NMRAL1: variants seen among roughly 807,000 people sequenced by gnomAD.
NMRAL1 encodes the protein NmrA like redox sensor 1, also known as nmrA-like family domain-containing protein 1.
A neutral mutation model predicts 27.5 loss-of-function variants in NMRAL1; 32 were observed. That is an observed-to-expected ratio of 1.16 (90% confidence interval 0.88 to 1.56). NMRAL1 has a LOEUF of 1.56. Among genes scored for constraint, NMRAL1 ranks in the 40% most tolerant of loss-of-function variants. The pLI is 0.00. For missense variants in NMRAL1, 420 were observed against 392.0 expected, an observed-to-expected ratio of 1.07 and a Z score of -0.60; for synonymous variants, 166 against 166.8, an observed-to-expected ratio of 1.00 and a Z score of 0.04.
In NMRAL1 at chr16:4,463,702, G is replaced by C. The variant is rs144549240; in HGVS notation, c.678C>G (p.Ala226=). The part of the protein sequence containing the change: ...TCRHTAEEYA[A]LLTKHTRKVV... Reference sequence around the variant, plus strand: ...CCTTGCGGGTGTGCTTGGTGAGCAGGGCAGCGTACTCCTCGGCCGTGTGCC... The same window carrying C: ...CCTTGCGGGTGTGCTTGGTGAGCAGCGCAGCGTACTCCTCGGCCGTGTGCC... The change falls in exon 5 of 6, where the codon GCC becomes GCG. Residue 226 remains alanine, a synonymous_variant. Coordinates refer to ENST00000283429, the MANE Select transcript of NMRAL1 (RefSeq NM_020677.6). The C allele has an allele frequency of 6.2e-7, 1 of 1,614,014 alleles. No homozygotes were observed. Among genetic ancestry groups the C allele is most frequent in the Admixed American group, 1.7e-5 (1 of 60,018 alleles).
At chr16:4,472,610 G>A (rs1470064798) in intron 2 of NMRAL1, among the ~76,000 whole-genome samples, 1 of 151,994 alleles carries the variant, frequency 6.6e-6, no homozygotes, top group Non-Finnish European at 1.5e-5. Context: ...CAGGCATGGT[G>A]GCTCACGCCT....
At chr16:4,463,950 C>G (rs2057215359) in intron 4 of NMRAL1, 100 bp from the exon 5 acceptor site, 3 of 888,892 alleles carry the variant, frequency 3.4e-6, no homozygotes, top group Non-Finnish European at 5.3e-6. Context: ...TCCCAGCAGT[C>G]AGCTGCACAC....
At chr16:4,475,767 C>T (rs1255358839), upstream of NMRAL1, among the ~76,000 whole-genome samples, 5 of 151,926 alleles carry the variant, frequency 3.3e-5, no homozygotes, top group East Asian at 3.9e-4. Flanking sequence ...GTGAAACCCC[C>T]GTCTCTACTA....
At chr16:4,464,594 G>A (rs1219088569) in intron 4 of NMRAL1, among the ~76,000 whole-genome samples, 2 of 149,680 alleles carry the variant, frequency 1.3e-5, no homozygotes, top group Non-Finnish European at 3.0e-5. Flanking sequence ...CGGAGCAGGA[G>A]ATATCCCTGA....
chr16:4,465,723 C>T (rs1262544469), intron 4 of NMRAL1, among the ~76,000 whole-genome samples: 1 of 152,020 alleles, frequency 6.6e-6, no homozygotes, highest in African/African-American at 2.4e-5. Flanking sequence ...GGTGGCACCA[C>T]GCCCAGCTAA....
intron 5 of NMRAL1, 31 bp from the exon 6 acceptor site, chr16:4,461,990 G>A (rs200609977): frequency 1.6e-4 from 253 of 1,584,050 alleles, no homozygotes; most frequent in Non-Finnish European, 2.1e-4. Flanking sequence ...CGTGGCCGGC[G>A]TCCTCCAGTG....
At chr16:4,462,183 T>C (rs2057137666) in intron 5 of NMRAL1, among the ~76,000 whole-genome samples, 1 of 152,240 alleles carries the variant, frequency 6.6e-6, no homozygotes. Context: ...TAGATCAGTT[T>C]AAAGATTGTT....
At chr16:4,469,611 C>A in intron 2 of NMRAL1, 146 bp from the exon 3 acceptor site, 1 of 1,478,884 alleles carries the variant, frequency 6.8e-7, no homozygotes, top group Non-Finnish European at 8.9e-7. Context: ...TTTTTATTTT[C>A]TTTATTTTAT....
At chr16:4,465,655 C>T (rs185166303) in intron 4 of NMRAL1, among the ~76,000 whole-genome samples, 4 of 152,290 alleles carry the variant, frequency 2.6e-5, no homozygotes, top group Non-Finnish European at 2.9e-5. Flanking sequence ...CAACCTCCAC[C>T]TCCTGGGTTC....
intron 5 of NMRAL1, among the ~76,000 whole-genome samples, chr16:4,462,192 T>A (rs1292216298): frequency 6.6e-6 from 1 of 152,238 alleles, no homozygotes; most frequent in African/African-American, 2.4e-5. Context: ...TTAAAGATTG[T>A]TCTTGGCCAG....
At chr16:4,474,891 T>C (rs984325482), upstream of NMRAL1, 1 of 152,234 alleles carries the variant, frequency 6.6e-6, no homozygotes, top group African/African-American at 2.4e-5. Flanking sequence ...TGTCCATGAG[T>C]CTTATCCCTT....
Position 4,469,017 on chromosome 16 carries a change from C to T in NMRAL1, c.279+210G>A, listed in dbSNP as rs143329249. ...CGAACAGGCCAGGCGTGGTTGCTCA[C>T]GGAGACTGAGACGGCCTCAAACAAA... is the stretch of plus-strand genomic sequence containing the variant. On this transcript the variant is annotated intron_variant, in intron 3 of 5. Transcript: ENST00000283429. Among the ~76,000 whole-genome samples, 87 of 149,418 alleles carry T rather than the reference C, an allele frequency of 5.8e-4. 1 individual carries two copies. The East Asian group carries it at 0.013, about 23-fold the overall frequency.
chr16:4,462,026 G>A, intron 5 of NMRAL1, 67 bp from the exon 6 acceptor site: 2 of 1,397,098 alleles, frequency 1.4e-6, no homozygotes, highest in South Asian at 1.3e-5. Context: ...GGGCAGGGAG[G>A]CCGGATGGGC....
chr16:4,466,308 A>C lies in NMRAL1; in HGVS notation c.374T>G (p.Leu125Trp). The change falls in exon 4 of 6, where the codon TTG (leucine) becomes TGG (tryptophan). Residue 125 changes from leucine (L) to tryptophan (W), a missense_variant. Leu to Trp is a moderately conservative substitution (Grantham distance 61, BLOSUM62 -2). Coordinates refer to ENST00000283429, the MANE Select transcript of NMRAL1 (RefSeq NM_020677.6). ...ENIKKLTAGR[L>W]AAAHFDGKGE... is the part of the protein sequence containing the mutation. ...TTTGCCGTCAAAGTGCGCGGCGGCC[A>C]ATCTCCCTGCCGTCAGCTTCTTGAT... The C allele has an allele frequency of 1.2e-6, 2 of 1,613,842 alleles. No homozygotes were observed. The highest frequency in any genetic ancestry group is 4.5e-5 in the East Asian group (2 of 44,866).
At position 4,463,669 on chromosome 16, in the gene NMRAL1, G is replaced by A. The variant is rs148587576; in HGVS notation, c.711C>T (p.His237=). ...GGGGCGGGAGGCCCACCTTGGCATC[G>A]TGCACGACCTTGCGGGTGTGCTTGG... ...LLTKHTRKVV[H]DAKMTPEDYE... is the part of the protein sequence containing the mutation. The change falls in exon 5 of 6, where the codon CAC becomes CAT. Residue 237 remains histidine (H), a synonymous_variant. Transcript: ENST00000283429. 1.4e-5 allele frequency: 23 copies of A among 1,613,362 alleles called. No individual in the cohort carries two copies. Among genetic ancestry groups the A allele is most frequent in the African/African-American group, 1.1e-4 (8 of 74,930 alleles).
intron 3 of NMRAL1, among the ~76,000 whole-genome samples, chr16:4,468,863 C>T (rs921423339): frequency 6.6e-6 from 1 of 151,830 alleles, no homozygotes; most frequent in African/African-American, 2.4e-5. Context: ...AGTCACACCC[C>T]AGACCTCAGC....
At chr16:4,463,563 ACTG>A (rs766769605) in intron 5 of NMRAL1, 94 bp downstream of exon 5, 1 of 936,802 alleles carries the variant, frequency 1.1e-6, no homozygotes, top group Non-Finnish European at 1.6e-6. Flanking sequence ...ATTTAGATGT[ACTG>A]CCCAGAGGTG....
chr16:4,463,203 A>G (rs1029769332), intron 5 of NMRAL1, among the ~76,000 whole-genome samples: 1 of 152,212 alleles, frequency 6.6e-6, no homozygotes, highest in Non-Finnish European at 1.5e-5. Flanking sequence ...GGTAATGACA[A>G]ACATTAGAAA....
At position 4,461,882 on chromosome 16, in the gene NMRAL1, CAG is replaced by C. The variant is rs1477162842; in HGVS notation, c.796_797del (p.Leu266GlufsTer5). 3 of 1,614,082 alleles carry C rather than the reference CAG, an allele frequency of 1.9e-6. No individual in the cohort carries two copies. The highest frequency in any genetic ancestry group is 2.2e-5 in the East Asian group (1 of 44,890). ...DLANMFRFYALRPDRDIELTL... is the reference protein window; with the variant it reads ...DLANMFRFYAXRPDRDIELTL... ...TCAGCTCGATGTCACGGTCGGGTCT[CAG>C]GGCATAGAAACGGAACATGTTGGCC... On this transcript the variant is annotated frameshift_variant, in exon 6 of 6. Transcript: ENST00000283429. LOFTEE classifies it high-confidence loss of function.
Sources: allele counts gnomAD v4.1 joint callset (sites outside exome capture counted in the v4.1 genomes callset), GRCh38; gene constraint gnomAD v4.1.1; transcripts MANE v1.5; gene names NCBI Gene and HGNC (gene_info 2026-07-23, HGNC 2026-07-21).